DLGAP2: variants seen among roughly 807,000 people sequenced by gnomAD.
DLGAP2 encodes the protein disks large-associated protein 2.
DLGAP2 carries 26 observed loss-of-function variants against 100.3 expected under a neutral mutation model. The ratio of observed to expected loss-of-function variants is 0.26; its 90% CI spans 0.19 to 0.36. DLGAP2 has a LOEUF of 0.36. Ranked by LOEUF, DLGAP2 falls within the 10% of genes least tolerant of loss-of-function variation. The pLI is 1.00. For missense variants in DLGAP2, 1,858 were observed against 1,453.2 expected (o/e 1.28, Z -4.53); for synonymous variants, 886 against 630.1 (o/e 1.41, Z -6.08).
chr8:1,503,331 C>G (rs1192959987), intron 4 of DLGAP2, among the ~76,000 whole-genome samples: 1 of 151,472 alleles, frequency 6.6e-6, no homozygotes, highest in East Asian at 1.9e-4. Context: ...CTTTCTGTCT[C>G]TGAAACTGAC....
intron 2 of DLGAP2, among the ~76,000 whole-genome samples, chr8:1,127,897 A>T (rs1796204144): frequency 6.6e-6 from 1 of 152,232 alleles, no homozygotes; most frequent in African/African-American, 2.4e-5. Context: ...CTAAAGATGC[A>T]CTTTCCTATT....
intron 2 of DLGAP2, among the ~76,000 whole-genome samples, chr8:1,034,262 C>T (rs1432879142): frequency 9.6e-5 from 2 of 20,746 alleles, no homozygotes; most frequent in African/African-American, 6.7e-4. Flanking sequence ...CGCGTGTCAC[C>T]GCGAGTGGGC....
rs144196339 is a variant in DLGAP2 at position 1,236,340 on chromosome 8, G to A, written c.74-22511G>A. Among the ~76,000 whole-genome samples the A allele has an allele frequency of 4.3e-3, 241 of 56,444 alleles. 6 individuals carry two copies. Among genetic ancestry groups the A allele is most frequent in the African/African-American group, 5.5e-3 (71 of 12,830 alleles). The allele number at this position is 56,444 out of a possible 152,430, so 37.0% of individuals were successfully genotyped here. ...GCCGTGTCTGGTTCTCTCACATGGC[G>A]CCGTGTCTAGTTCTCTCCCATGGCG... On this transcript the variant is annotated intron_variant, in intron 2 of 14. Transcript: ENST00000637795.
At chr8:1,344,128 G>GTGGGTCCATGTATTCGGGGCCCTGTCC (rs1801490253) in intron 3 of DLGAP2, among the ~76,000 whole-genome samples, 2 of 108,018 alleles carry the variant, frequency 1.9e-5, no homozygotes, top group Admixed American at 9.3e-5. Flanking sequence ...GGGCCCTGTC[G>GTGGGTCCATGTATTCGGGGCCCTGTCC]TGGGTCCGTG....
At chr8:1,502,092 T>A (rs1401724188) in intron 4 of DLGAP2, among the ~76,000 whole-genome samples, 1 of 152,220 alleles carries the variant, frequency 6.6e-6, no homozygotes, top group Non-Finnish European at 1.5e-5. Flanking sequence ...TTGAATAAAA[T>A]CAACGTCAAA....
intron 1 of DLGAP2, among the ~76,000 whole-genome samples, chr8:748,676 C>T (rs1820714458): frequency 6.6e-6 from 1 of 152,204 alleles, no homozygotes. Context: ...CAAATGGCCT[C>T]ACTGAGGAGC....
chr8:967,649 G>GTTGACTTAAA (rs1419364485), intron 2 of DLGAP2, among the ~76,000 whole-genome samples: 1 of 149,160 alleles, frequency 6.7e-6, no homozygotes, highest in East Asian at 2.0e-4. Flanking sequence ...TCTTGGATGG[G>GTTGACTTAAA]TTGTGGATTT....
At chr8:1,641,981 C>T (rs62483077) in intron 8 of DLGAP2, among the ~76,000 whole-genome samples, 1,771 of 22,868 alleles carry the variant, frequency 0.077, 52 homozygotes, top group East Asian at 0.13. Context: ...CCGCCGGTCC[C>T]CACCTGTGTC....
At chr8:1,122,760 CT>C (rs1012106072) in intron 2 of DLGAP2, among the ~76,000 whole-genome samples, 10 of 148,906 alleles carry the variant, frequency 6.7e-5, no homozygotes, top group South Asian at 4.3e-4. Context: ...CTTCTTTTTT[CT>C]TTTTTTTTTC....
intron 3 of DLGAP2, among the ~76,000 whole-genome samples, chr8:1,308,251 G>C (rs7007528): frequency 2.6e-5 from 4 of 152,124 alleles, no homozygotes; most frequent in Non-Finnish European, 5.9e-5. Flanking sequence ...CATTTAATGA[G>C]ATATCTGTCA....
At position 1,164,108 on chromosome 8, in the gene DLGAP2, G is replaced by A. The variant is rs991973374; in HGVS notation, c.74-94743G>A. On this transcript the variant is annotated intron_variant, in intron 2 of 14. Coordinates refer to ENST00000637795, the MANE Select transcript of DLGAP2 (RefSeq NM_001346810.2). Reference sequence around the variant, plus strand: ...CCCTGTGCTGGGGACAGATTTTTCTGTGAGCCCGCAGGGCCCGTCATTTTG... The same window carrying A: ...CCCTGTGCTGGGGACAGATTTTTCTATGAGCCCGCAGGGCCCGTCATTTTG... Among the ~76,000 whole-genome samples the A allele has an allele frequency of 7.3e-4, 73 of 100,490 alleles. 11 individuals carry two copies. The highest frequency in any genetic ancestry group is 1.4e-3 in the African/African-American group (43 of 30,610). 65.9% of individuals were successfully genotyped at this position (100,490 alleles called of 152,430 possible). A position where few individuals can be genotyped will look rare whatever the true frequency, so the allele number is the denominator to read the frequency against.
At position 1,706,217 on chromosome 8, in the gene DLGAP2, G is replaced by A. The variant is rs1799700594; in HGVS notation, c.*4811G>A. The A allele has an allele frequency of 6.6e-6, 1 of 152,238 alleles. No individual in the cohort carries two copies. The allele number at this position is 152,238 out of a possible 1,614,324, so 9.4% of individuals were successfully genotyped here. Reference sequence around the variant, plus strand: ...AATCTCTAGGCTGTTAGGCAACCTGGCTTTTATTCATCCTCAGCCGGCAAC... The same window carrying A: ...AATCTCTAGGCTGTTAGGCAACCTGACTTTTATTCATCCTCAGCCGGCAAC... On this transcript the variant is annotated 3_prime_UTR_variant, in exon 15 of 15. Transcript: ENST00000637795.
intron 2 of DLGAP2, among the ~76,000 whole-genome samples, chr8:1,106,895 T>C (rs1485510727): frequency 2.0e-5 from 3 of 152,228 alleles, no homozygotes; most frequent in Non-Finnish European, 4.4e-5. Flanking sequence ...ATTTGGACTC[T>C]GTAGAGGATA....
intron 3 of DLGAP2, among the ~76,000 whole-genome samples, chr8:1,297,531 CAGGG>C (rs1300174652): frequency 5.9e-5 from 8 of 134,504 alleles, no homozygotes; most frequent in African/African-American, 2.2e-4. Context: ...CCACGTGAGA[CAGGG>C]AGGAGAAACG....
intron 2 of DLGAP2, among the ~76,000 whole-genome samples, chr8:1,218,300 G>A (rs1798251452): frequency 6.6e-6 from 1 of 152,140 alleles, no homozygotes; most frequent in South Asian, 2.1e-4. Flanking sequence ...TCAATCTTCT[G>A]CATATGGGTA....
At chr8:852,268 A>G (rs1797195973) in intron 1 of DLGAP2, among the ~76,000 whole-genome samples, 1 of 152,288 alleles carries the variant, frequency 6.6e-6, no homozygotes, top group Non-Finnish European at 1.5e-5. Flanking sequence ...CTCTCCCTGC[A>G]CGTGGATCTG....
At chr8:1,500,095 T>C (rs1233259735) in intron 3 of DLGAP2, among the ~76,000 whole-genome samples, 1 of 152,234 alleles carries the variant, frequency 6.6e-6, no homozygotes, top group African/African-American at 2.4e-5. Flanking sequence ...ATCATATTTA[T>C]ATTTGGGGCA....
At chr8:1,595,570 G>A (rs568284798) in intron 6 of DLGAP2, among the ~76,000 whole-genome samples, 1,602 of 150,822 alleles carry the variant, frequency 0.011, 26 homozygotes, top group African/African-American at 0.036. Context: ...GGGAGGCTGA[G>A]GCAGGAGAAT....
At chr8:1,033,937 G>T (rs1802053717) in intron 2 of DLGAP2, among the ~76,000 whole-genome samples, 1 of 106,518 alleles carries the variant, frequency 9.4e-6, no homozygotes, top group Non-Finnish European at 1.9e-5. Context: ...GTGTCACCGC[G>T]AGTGGACTCA....
Sources: gnomAD v4.1 joint callset for allele counts (sites outside exome capture counted in the v4.1 genomes callset) on GRCh38, gnomAD v4.1.1 for gene constraint, MANE v1.5 for transcripts, NCBI Gene and HGNC (gene_info 2026-07-23, HGNC 2026-07-21) for gene names.